The following PDE4D variants were observed in gnomAD, a reference collection of about 807,000 sequenced individuals.
PDE4D encodes phosphodiesterase 4D, also known as 3',5'-cyclic-AMP phosphodiesterase 4D.
A neutral mutation model predicts 87.4 loss-of-function variants in PDE4D; 24 were observed. The ratio of observed to expected loss-of-function variants is 0.27; its 90% confidence interval spans 0.20 to 0.39. The LOEUF (loss-of-function observed/expected upper bound fraction) is 0.39. PDE4D is among the 10% of genes least tolerant of loss of function. The pLI, the probability that PDE4D is intolerant of heterozygous loss-of-function variation, is 1.00. For missense variants in PDE4D, 714 were observed against 1,041.0 expected (o/e 0.69, Z 4.32); for synonymous variants, 384 against 383.2 (o/e 1.00, Z -0.02).
At chr5:60,258,389 A>T (rs1230568173) in intron 1 of PDE4D, among the ~76,000 whole-genome samples, 2 of 152,014 alleles carry the variant, frequency 1.3e-5, no homozygotes, top group African/African-American at 4.8e-5. Flanking sequence ...AAGACCAAAA[A>T]ATACCCTCAG....
intron 1 of PDE4D, among the ~76,000 whole-genome samples, chr5:59,286,440 G>A (rs1336424638): frequency 6.6e-6 from 1 of 152,096 alleles, no homozygotes; most frequent in Non-Finnish European, 1.5e-5. Context: ...ATAACCTTGA[G>A]AACTAAACAA....
intron 8 of PDE4D, 94 bp from the exon 9 acceptor site, chr5:58,990,996 G>C (rs1245925895): frequency 2.7e-6 from 2 of 751,456 alleles, no homozygotes; most frequent in Non-Finnish European, 4.4e-6. Flanking sequence ...ACAGACCTTA[G>C]GTGGCCGGGC....
At chr5:60,283,198 T>C (rs1046624632) in intron 1 of PDE4D, among the ~76,000 whole-genome samples, 1 of 152,168 alleles carries the variant, frequency 6.6e-6, no homozygotes, top group Non-Finnish European at 1.5e-5. Context: ...CATTAGTATC[T>C]ACACAGAGAG....
At chr5:59,530,532 A>G (rs1235084476) in intron 1 of PDE4D, among the ~76,000 whole-genome samples, 1 of 152,178 alleles carries the variant, frequency 6.6e-6, no homozygotes, top group African/African-American at 2.4e-5. Context: ...ATGTTATGTC[A>G]ATAGTTATTA....
At chr5:59,352,036 T>C (rs1041474894) in intron 1 of PDE4D, among the ~76,000 whole-genome samples, 6 of 152,140 alleles carry the variant, frequency 3.9e-5, no homozygotes, top group African/African-American at 1.4e-4. Flanking sequence ...TTTCTTAAAC[T>C]TGCTCTGCCT....
intron 1 of PDE4D, among the ~76,000 whole-genome samples, chr5:59,742,313 C>T (rs9292213): frequency 0.047 from 7,099 of 152,236 alleles, 196 homozygotes; most frequent in South Asian, 0.063. Flanking sequence ...ATCCACCTGC[C>T]TTGGCCTCCC....
intron 1 of PDE4D, among the ~76,000 whole-genome samples, chr5:59,879,377 G>A (rs1749110301): frequency 2.6e-5 from 4 of 152,104 alleles, no homozygotes; most frequent in Admixed American, 2.6e-4. Flanking sequence ...CGTATATATT[G>A]AACTACTCTC....
chr5:59,654,206 A>G (rs1024226083), intron 1 of PDE4D, among the ~76,000 whole-genome samples: 7 of 152,132 alleles, frequency 4.6e-5, no homozygotes, highest in African/African-American at 1.7e-4. Flanking sequence ...CCAAGTCTCA[A>G]ATAAATAAAT....
chr5:59,821,123 C>T (rs1171983292), intron 1 of PDE4D, among the ~76,000 whole-genome samples: 4 of 152,036 alleles, frequency 2.6e-5, no homozygotes, highest in African/African-American at 9.7e-5. Context: ...GTCCCAGCTA[C>T]TTGGGAGGCT....
At chr5:58,984,889 C>A (rs986986223) in intron 11 of PDE4D, among the ~76,000 whole-genome samples, 1 of 152,028 alleles carries the variant, frequency 6.6e-6, no homozygotes, top group Admixed American at 6.6e-5. Flanking sequence ...GTTCATGCTG[C>A]TATTTACATT....
chr5:59,763,469 T>C (rs982216158), intron 1 of PDE4D, among the ~76,000 whole-genome samples: 1 of 152,182 alleles, frequency 6.6e-6, no homozygotes, highest in African/African-American at 2.4e-5. Flanking sequence ...TTTTATGACT[T>C]AAATATGACT....
chr5:58,996,850 G>T (rs1193686125), intron 6 of PDE4D, among the ~76,000 whole-genome samples: 1 of 152,062 alleles, frequency 6.6e-6, no homozygotes, highest in East Asian at 1.9e-4. Context: ...GCCAGTGAAA[G>T]GAATCTAAAT....
intron 1 of PDE4D, among the ~76,000 whole-genome samples, chr5:59,874,141 A>G (rs937706538): frequency 6.6e-6 from 1 of 152,126 alleles, no homozygotes; most frequent in Non-Finnish European, 1.5e-5. Context: ...AATTCAAAGT[A>G]GCAGTGAGCC....
intron 1 of PDE4D, among the ~76,000 whole-genome samples, chr5:59,793,215 CA>C (rs1766028598): frequency 6.6e-6 from 1 of 152,126 alleles, no homozygotes; most frequent in African/African-American, 2.4e-5. Context: ...GGGAGATGTC[CA>C]GCGTCCAGCT....
Position 59,172,045 on chromosome 5 carries a change from TAATATATATATATTATA to T in PDE4D, c.808+8533_808+8549del, listed in dbSNP as rs1561622900. Among the ~76,000 whole-genome samples the T allele has an allele frequency of 4.9e-3, 34 of 6,932 alleles. 1 individual carries two copies. Among genetic ancestry groups the T allele is most frequent in the African/African-American group, 0.022 (29 of 1,328 alleles). 4.5% of individuals were successfully genotyped at this position (6,932 alleles called of 152,430 possible). On this transcript the variant is annotated intron_variant, in intron 5 of 14. Coordinates refer to ENST00000340635, the MANE Select transcript of PDE4D (RefSeq NM_001104631.2). ...ATATAATAAATATATATTATATATA[TAATATATATATATTATA>T]TATATAATAAATATATATTATATAT...
intron 3 of PDE4D, among the ~76,000 whole-genome samples, chr5:59,921,357 C>T (rs567929628): frequency 6.0e-4 from 91 of 151,978 alleles, no homozygotes; most frequent in Non-Finnish European, 1.0e-3. Context: ...TGTTAATTCT[C>T]ATTAAATATA....
intron 1 of PDE4D, among the ~76,000 whole-genome samples, chr5:60,335,597 G>A (rs1757687216): frequency 6.6e-6 from 1 of 152,154 alleles, no homozygotes; most frequent in African/African-American, 2.4e-5. Context: ...CTAGCTCCAG[G>A]GTGTTGGCTA....
chr5:59,416,589 C>G (rs1032704490), intron 1 of PDE4D, among the ~76,000 whole-genome samples: 1 of 152,110 alleles, frequency 6.6e-6, no homozygotes, highest in Non-Finnish European at 1.5e-5. Flanking sequence ...TGCAGGAATT[C>G]GGGTAGTATC....
chr5:59,925,181 A>AAAAAAAAAAAAAAAG (rs1406475596), intron 3 of PDE4D, among the ~76,000 whole-genome samples: 2 of 151,286 alleles, frequency 1.3e-5, no homozygotes, highest in Non-Finnish European at 2.9e-5. Flanking sequence ...TCTCAAAAAA[A>AAAAAAAAAAAAAAAG]AAAGAAACAA....
Sources: allele counts gnomAD v4.1 joint callset (sites outside exome capture counted in the v4.1 genomes callset), GRCh38; gene constraint gnomAD v4.1.1; transcripts MANE v1.5; gene names NCBI Gene and HGNC (gene_info 2026-07-23, HGNC 2026-07-21).